Variants in DLG2 observed in about 807,000 individuals in gnomAD.
The protein encoded by DLG2 is disks large homolog 2.
Under a neutral mutation model 132.5 loss-of-function variants are expected in DLG2, and 45 were observed. The ratio of observed to expected loss-of-function variants is 0.34; its 90% confidence interval spans 0.27 to 0.44. The LOEUF is 0.44. DLG2 is among the 20% of genes least tolerant of loss of function. The pLI is 1.00. For synonymous variants in DLG2, 424 were observed against 419.6 expected, an observed-to-expected ratio of 1.01 and a Z score of -0.13; for missense variants, 1,045 against 1,196.9, an observed-to-expected ratio of 0.87 and a Z score of 1.87.
At chr11:84,897,201 A>G (rs935851482) in intron 6 of DLG2, among the ~76,000 whole-genome samples, 1 of 151,770 alleles carries the variant, frequency 6.6e-6, no homozygotes, top group African/African-American at 2.4e-5. Flanking sequence ...TCTGAACTTT[A>G]TGTAAATAGA....
intron 6 of DLG2, among the ~76,000 whole-genome samples, chr11:84,908,429 C>G (rs941612433): frequency 6.6e-6 from 1 of 152,146 alleles, no homozygotes; most frequent in Non-Finnish European, 1.5e-5. Context: ...AGTCGTTACT[C>G]TATCAGACAG....
Position 85,070,980 on chromosome 11 carries a change from G to A in DLG2, c.357+40681C>T, listed in dbSNP as rs185028471. Among the ~76,000 whole-genome samples, 22 of 151,978 alleles carry A rather than the reference G, an allele frequency of 1.4e-4. No individual in the cohort carries two copies. In the East Asian group the frequency reaches 3.5e-3, roughly 24 times the overall value. On this transcript the variant is annotated intron_variant, in intron 6 of 27. Transcript: ENST00000376104. ...CTTGGACACTGGAGTCAGTCTGTCTGAGCTCAAATCCAAGCACAACTGATT... is the reference window on the plus strand; with the variant it reads ...CTTGGACACTGGAGTCAGTCTGTCTAAGCTCAAATCCAAGCACAACTGATT...
At chr11:84,991,039 A>G (rs888396736) in intron 6 of DLG2, among the ~76,000 whole-genome samples, 5 of 152,262 alleles carry the variant, frequency 3.3e-5, no homozygotes, top group African/African-American at 1.2e-4. Flanking sequence ...CAGCAATAAA[A>G]AAGAATGGAC....
At chr11:83,763,732 G>A (rs2094016459) in intron 18 of DLG2, among the ~76,000 whole-genome samples, 1 of 152,104 alleles carries the variant, frequency 6.6e-6, no homozygotes, top group Admixed American at 6.5e-5. Flanking sequence ...ATATAATGCT[G>A]TATCCCACAT....
At chr11:84,468,268 T>C (rs1253863338) in intron 7 of DLG2, among the ~76,000 whole-genome samples, 9 of 151,628 alleles carry the variant, frequency 5.9e-5, no homozygotes, top group African/African-American at 2.2e-4. Context: ...TGTGATTAAG[T>C]ATGTTGGATT....
At chr11:85,147,658 A>G (rs1193832859) in intron 5 of DLG2, among the ~76,000 whole-genome samples, 1 of 152,236 alleles carries the variant, frequency 6.6e-6, no homozygotes, top group African/African-American at 2.4e-5. Flanking sequence ...TTTTACAGGT[A>G]AAGAAACTCA....
chr11:84,350,253 A>G (rs1009867267), intron 7 of DLG2, among the ~76,000 whole-genome samples: 4 of 151,846 alleles, frequency 2.6e-5, no homozygotes, highest in Non-Finnish European at 5.9e-5. Context: ...TTTAACCTGA[A>G]GAGGTTAACA....
intron 11 of DLG2, among the ~76,000 whole-genome samples, chr11:84,054,312 G>C (rs928100746): frequency 2.0e-5 from 3 of 151,984 alleles, no homozygotes; most frequent in African/African-American, 7.2e-5. Flanking sequence ...AAGTCACTAG[G>C]AAGCCTTTTA....
intron 3 of DLG2, among the ~76,000 whole-genome samples, chr11:85,498,000 G>A (rs1302629274): frequency 6.6e-6 from 1 of 152,154 alleles, no homozygotes; most frequent in Non-Finnish European, 1.5e-5. Context: ...GACCATCGAT[G>A]CTATGAAGAA....
At chr11:83,595,296 TTTCTC>T (rs1386410357) in intron 19 of DLG2, among the ~76,000 whole-genome samples, 1 of 152,226 alleles carries the variant, frequency 6.6e-6, no homozygotes, top group African/African-American at 2.4e-5. Flanking sequence ...TATTAAGTCT[TTTCTC>T]TTACAATTCT....
At chr11:85,333,178 C>T (rs1009882399) in intron 3 of DLG2, among the ~76,000 whole-genome samples, 1 of 152,000 alleles carries the variant, frequency 6.6e-6, no homozygotes, top group African/African-American at 2.4e-5. Flanking sequence ...AGCTATATTC[C>T]TATGTATTTC....
chr11:85,161,078 A>T (rs1179460525), intron 4 of DLG2, among the ~76,000 whole-genome samples: 1 of 152,230 alleles, frequency 6.6e-6, no homozygotes, highest in African/African-American at 2.4e-5. Flanking sequence ...TTGGTGACAA[A>T]GAAATCTGGG....
chr11:84,935,649 G>C (rs2048650637), intron 6 of DLG2, among the ~76,000 whole-genome samples: 1 of 152,190 alleles, frequency 6.6e-6, no homozygotes, highest in Non-Finnish European at 1.5e-5. Context: ...AACTGGGGAA[G>C]AGTGTTATTG....
chr11:84,420,650 C>CTTTTTTTTTTTTTTTTTTTTTTTTTT (rs768420271), intron 7 of DLG2, among the ~76,000 whole-genome samples: 1 of 42,236 alleles, frequency 2.4e-5, no homozygotes. Context: ...TGCTTGTTTT[C>CTTTTTTTTTTTTTTTTTTTTTTTTTT]TTTTTTTTTT....
intron 5 of DLG2, among the ~76,000 whole-genome samples, chr11:85,129,970 A>G (rs1374061916): frequency 6.6e-6 from 1 of 151,980 alleles, no homozygotes; most frequent in Admixed American, 6.6e-5. Flanking sequence ...AAAACCAAAC[A>G]CCACATGTTA....
intron 10 of DLG2, among the ~76,000 whole-genome samples, chr11:84,066,360 A>G (rs945562865): frequency 6.6e-6 from 1 of 152,164 alleles, no homozygotes; most frequent in African/African-American, 2.4e-5. Context: ...TTGTTTTGAT[A>G]TACAAACTTT....
chr11:83,981,633 G>A (rs2249354), intron 11 of DLG2, among the ~76,000 whole-genome samples: 149,538 of 152,120 alleles, frequency 0.98, 73,506 homozygotes, highest in East Asian at 1. Flanking sequence ...AGTAGACACT[G>A]AAAATGTTGG....
intron 20 of DLG2, among the ~76,000 whole-genome samples, chr11:83,540,609 G>A (rs566697090): frequency 1.3e-5 from 2 of 152,194 alleles, no homozygotes; most frequent in Admixed American, 6.6e-5. Context: ...CAGTTGTCTC[G>A]GGAGCACAAA....
At chr11:83,568,094 G>C (rs1273439177) in intron 19 of DLG2, among the ~76,000 whole-genome samples, 2 of 152,150 alleles carry the variant, frequency 1.3e-5, no homozygotes, top group African/African-American at 4.8e-5. Flanking sequence ...GGCTTGGCAG[G>C]TGGCAGAGAA....
Sources: gnomAD v4.1 joint callset for allele counts (sites outside exome capture counted in the v4.1 genomes callset) on GRCh38, gnomAD v4.1.1 for gene constraint, MANE v1.5 for transcripts, NCBI Gene and HGNC (gene_info 2026-07-23, HGNC 2026-07-21) for gene names.